Variants in CNTN5 observed in about 807,000 individuals in gnomAD.
The protein encoded by CNTN5 is contactin 5.
A neutral mutation model predicts 129.1 loss-of-function variants in CNTN5; 77 were observed. That is an observed-to-expected ratio of 0.60 (90% CI 0.50 to 0.72). The LOEUF (loss-of-function observed/expected upper bound fraction) is 0.72, where lower values mean the gene tolerates loss of function less well. Ranked by LOEUF, CNTN5 falls within the 30% of genes least tolerant of loss-of-function variation. The pLI is 0.00. For missense variants in CNTN5, 1,478 were observed against 1,328.8 expected, an observed-to-expected ratio of 1.11 and a Z score of -1.75; for synonymous variants, 509 against 465.6, an observed-to-expected ratio of 1.09 and a Z score of -1.20.
At chr11:99,491,431 G>T (rs542650125) in intron 2 of CNTN5, among the ~76,000 whole-genome samples, 1 of 152,016 alleles carries the variant, frequency 6.6e-6, no homozygotes, top group African/African-American at 2.4e-5. Flanking sequence ...ATTGACTCCC[G>T]GTGGAAGTAT....
At chr11:100,185,744 G>A (rs1948282824) in intron 13 of CNTN5, among the ~76,000 whole-genome samples, 1 of 152,116 alleles carries the variant, frequency 6.6e-6, no homozygotes, top group Admixed American at 6.5e-5. Context: ...TTTTAGAAGA[G>A]GAAGAGAAAC....
At chr11:100,035,187 T>A (rs566149598) in intron 9 of CNTN5, among the ~76,000 whole-genome samples, 136 of 143,332 alleles carry the variant, frequency 9.5e-4, no homozygotes, top group Non-Finnish European at 1.4e-3. Context: ...TGTTCCATTG[T>A]TCAATTCCCA....
chr11:99,888,122 G>A (rs1591367935), intron 6 of CNTN5, among the ~76,000 whole-genome samples: 1 of 152,062 alleles, frequency 6.6e-6, no homozygotes, highest in African/African-American at 2.4e-5. Context: ...ATATAGCACT[G>A]AACACAGTCC....
At chr11:99,940,500 T>G (rs1343119000) in intron 7 of CNTN5, among the ~76,000 whole-genome samples, 2 of 152,124 alleles carry the variant, frequency 1.3e-5, no homozygotes, top group African/African-American at 4.8e-5. Context: ...ATAAAGATAC[T>G]CCTACATCAT....
At chr11:100,115,287 A>T (rs1281880140) in intron 13 of CNTN5, among the ~76,000 whole-genome samples, 2 of 152,088 alleles carry the variant, frequency 1.3e-5, no homozygotes, top group Non-Finnish European at 2.9e-5. Flanking sequence ...TTGTCTTCTT[A>T]TTCCCATCAA....
At position 99,845,289 on chromosome 11, in the gene CNTN5, A is replaced by G. The variant is rs370381671; in HGVS notation, c.577+27A>G. ...TGAGTAAAATATATGATTTTTCTAT[A>G]TATATGTATATAGTGTGTATATACA... On this transcript the variant is annotated intron_variant, in intron 6 of 24. Coordinates refer to ENST00000524871, the MANE Select transcript of CNTN5 (RefSeq NM_014361.4). The G allele has an allele frequency of 1.8e-5, 27 of 1,466,120 alleles. 2 individuals are homozygous for G. In the African/African-American group the frequency reaches 3.4e-4, roughly 18 times the overall value. The allele number at this position is 1,466,120 out of a possible 1,614,324, so 90.8% of individuals were successfully genotyped here. A position where few individuals can be genotyped will look rare whatever the true frequency, so the allele number is the denominator to read the frequency against.
intron 9 of CNTN5, among the ~76,000 whole-genome samples, chr11:100,014,479 G>T (rs1940712262): frequency 1.3e-5 from 2 of 152,114 alleles, no homozygotes; most frequent in Non-Finnish European, 2.9e-5. Flanking sequence ...TACTCAGGAG[G>T]CTGAGGCAAG....
chr11:100,234,649 T>TG (rs1949569664), intron 16 of CNTN5, among the ~76,000 whole-genome samples: 1 of 129,620 alleles, frequency 7.7e-6, no homozygotes, highest in Non-Finnish European at 1.6e-5. Flanking sequence ...GCCAGCAGGG[T>TG]GGGGGTGGTT....
At chr11:99,301,366 A>C (rs1429648329) in intron 1 of CNTN5, among the ~76,000 whole-genome samples, 1 of 151,820 alleles carries the variant, frequency 6.6e-6, no homozygotes, top group African/African-American at 2.4e-5. Flanking sequence ...TTTAGATTCA[A>C]AGACACAAAT....
chr11:100,129,930 A>T (rs2138203230), intron 13 of CNTN5, among the ~76,000 whole-genome samples: 1 of 152,240 alleles, frequency 6.6e-6, no homozygotes, highest in East Asian at 1.9e-4. Context: ...GTGGTAAAAA[A>T]AATCACCATC....
chr11:99,813,305 A>C (rs1946485935), intron 3 of CNTN5, among the ~76,000 whole-genome samples: 1 of 152,110 alleles, frequency 6.6e-6, no homozygotes, highest in Non-Finnish European at 1.5e-5. Flanking sequence ...TCTGAGCCTA[A>C]AATTTAGATC....
chr11:99,332,863 T>C (rs1866059479), intron 2 of CNTN5, among the ~76,000 whole-genome samples: 1 of 152,094 alleles, frequency 6.6e-6, no homozygotes, highest in Non-Finnish European at 1.5e-5. Context: ...TAAGAGGCGA[T>C]AGCCAGAGGT....
At chr11:99,916,170 T>TTGCTGC (rs759672076) in intron 7 of CNTN5, 21 bp downstream of exon 7, 3 of 1,572,950 alleles carry the variant, frequency 1.9e-6, no homozygotes, top group Non-Finnish European at 2.6e-6. Context: ...ATCTCATTCT[T>TTGCTGC]TGCTGCTGCT....
intron 6 of CNTN5, among the ~76,000 whole-genome samples, chr11:99,853,309 GATATAC>G (rs375866991): frequency 3.3e-5 from 5 of 152,094 alleles, no homozygotes; most frequent in African/African-American, 1.2e-4. Flanking sequence ...TACTTACATA[GATATAC>G]ATAGAGCTAT....
At chr11:99,049,523 T>C (rs1864343061) in intron 1 of CNTN5, 1 of 152,102 alleles carries the variant, frequency 6.6e-6, no homozygotes, top group Non-Finnish European at 1.5e-5. Flanking sequence ...GTTTAAAAAA[T>C]TCTCCAGATA....
intron 1 of CNTN5, among the ~76,000 whole-genome samples, chr11:99,031,117 A>G (rs1296518643): frequency 6.6e-6 from 1 of 151,946 alleles, no homozygotes; most frequent in Non-Finnish European, 1.5e-5. Flanking sequence ...TCTTTAAAAC[A>G]AACTGAAACT....
At chr11:99,854,578 G>A (rs1947975162) in intron 6 of CNTN5, among the ~76,000 whole-genome samples, 1 of 152,202 alleles carries the variant, frequency 6.6e-6, no homozygotes, top group African/African-American at 2.4e-5. Context: ...TCAAGATTCT[G>A]AGCTTGATCA....
chr11:99,469,761 G>C (rs1162260792), intron 2 of CNTN5, among the ~76,000 whole-genome samples: 1 of 151,300 alleles, frequency 6.6e-6, no homozygotes, highest in African/African-American at 2.4e-5. Context: ...TTTGGCTTTT[G>C]ATTTGGAGTT....
At chr11:99,899,995 C>T (rs1949311254) in intron 6 of CNTN5, among the ~76,000 whole-genome samples, 1 of 151,906 alleles carries the variant, frequency 6.6e-6, no homozygotes, top group Non-Finnish European at 1.5e-5. Context: ...TATCCATTTC[C>T]TCTAGGTGTT....
Sources: allele counts gnomAD v4.1 joint callset (sites outside exome capture counted in the v4.1 genomes callset), GRCh38; gene constraint gnomAD v4.1.1; transcripts MANE v1.5; gene names NCBI Gene and HGNC (gene_info 2026-07-23, HGNC 2026-07-21).